The following IL1RAP variants were observed in gnomAD, a reference collection of about 807,000 sequenced individuals.
The protein encoded by IL1RAP is interleukin 1 receptor accessory protein, also known as interleukin-1 receptor accessory protein.
A neutral mutation model predicts 60.7 loss-of-function variants in IL1RAP; 35 were observed. That is an observed-to-expected ratio of 0.58 (90% CI 0.44 to 0.76). IL1RAP has a LOEUF of 0.76. Ranked by LOEUF, IL1RAP falls within the 30% of genes least tolerant of loss-of-function variation. The pLI, the probability that IL1RAP is intolerant of heterozygous loss-of-function variation, is 0.00. For missense variants in IL1RAP, 572 were observed against 693.9 expected (o/e 0.82, Z 1.97); for synonymous variants, 268 against 250.9 (o/e 1.07, Z -0.64).
intron 3 of IL1RAP, among the ~76,000 whole-genome samples, chr3:190,582,637 G>T (rs547802714): frequency 2.6e-5 from 4 of 152,070 alleles, no homozygotes; most frequent in Non-Finnish European, 5.9e-5. Flanking sequence ...TTTTTCTGCA[G>T]TAGCCTCATA....
downstream of IL1RAP, among the ~76,000 whole-genome samples, chr3:190,655,069 T>G (rs1274135816): frequency 6.6e-6 from 1 of 152,006 alleles, no homozygotes. Context: ...AAAAAAGAAT[T>G]TAATTGATAA....
At chr3:190,528,986 A>C (rs540992734) in intron 1 of IL1RAP, among the ~76,000 whole-genome samples, 75 of 152,274 alleles carry the variant, frequency 4.9e-4, no homozygotes, top group African/African-American at 1.7e-3. Context: ...GATATTTGGG[A>C]GATGAGAGAA....
intron 1 of IL1RAP, among the ~76,000 whole-genome samples, chr3:190,528,345 A>G (rs1560141106): frequency 6.6e-6 from 1 of 152,216 alleles, no homozygotes; most frequent in East Asian, 1.9e-4. Context: ...AAGCTGGGTA[A>G]TGAATTTGTT....
intron 11 of IL1RAP, among the ~76,000 whole-genome samples, chr3:190,647,693 C>A (rs768825718): frequency 6.6e-6 from 1 of 152,002 alleles, no homozygotes; most frequent in South Asian, 2.1e-4. Flanking sequence ...GAAAGCCCAC[C>A]GAGGATGTGT....
chr3:190,536,756 A>G (rs1036892588), intron 1 of IL1RAP, among the ~76,000 whole-genome samples: 1 of 152,238 alleles, frequency 6.6e-6, no homozygotes, highest in Non-Finnish European at 1.5e-5. Context: ...TTTGCCTAAT[A>G]AAGTATAATT....
intron 5 of IL1RAP, among the ~76,000 whole-genome samples, chr3:190,616,847 A>G (rs1560216748): frequency 6.6e-6 from 1 of 152,188 alleles, no homozygotes; most frequent in Admixed American, 6.6e-5. Context: ...TTTACCAAGC[A>G]CCAAGTATTG....
intron 3 of IL1RAP, among the ~76,000 whole-genome samples, chr3:190,583,143 ATTG>A (rs1272383194): frequency 7.9e-5 from 12 of 152,296 alleles, no homozygotes; most frequent in South Asian, 2.1e-4. Context: ...TCCAATAGCA[ATTG>A]TTGTTAATTG....
intron 6 of IL1RAP, among the ~76,000 whole-genome samples, chr3:190,622,689 C>A (rs1731877663): frequency 6.6e-6 from 1 of 152,148 alleles, no homozygotes; most frequent in African/African-American, 2.4e-5. Flanking sequence ...TGAAGAGATA[C>A]ATAGGGGGAG....
In IL1RAP at chr3:190,649,252, G is replaced by A. The variant is rs1446950375; in HGVS notation, c.*547G>A. ...TGACATCCACTTAGGATGATACAAA[G>A]CAGTGTAACTGAAAATGTTTCTTTT... On this transcript the variant is annotated 3_prime_UTR_variant, in exon 12 of 12. Coordinates refer to ENST00000447382, the MANE Select transcript of IL1RAP (RefSeq NM_002182.4). 2 of 985,542 alleles carry A rather than the reference G, an allele frequency of 2.0e-6. No homozygotes were observed. The highest frequency in any genetic ancestry group is 2.4e-6 in the Non-Finnish European group (2 of 829,990). 61.0% of individuals were successfully genotyped at this position (985,542 alleles called of 1,614,324 possible).
intron 3 of IL1RAP, among the ~76,000 whole-genome samples, chr3:190,597,638 A>G (rs1447764526): frequency 3.3e-5 from 5 of 152,144 alleles, no homozygotes; most frequent in Non-Finnish European, 7.3e-5. Context: ...GCCCCAACCC[A>G]ATTACCAAAG....
At chr3:190,527,868 C>G (rs1452217489) in intron 1 of IL1RAP, among the ~76,000 whole-genome samples, 1 of 144,224 alleles carries the variant, frequency 6.9e-6, no homozygotes, top group Non-Finnish European at 1.5e-5. Flanking sequence ...CACACACACA[C>G]ACGAGAATGG....
At chr3:190,611,296 T>TG (rs1577722584) in intron 5 of IL1RAP, among the ~76,000 whole-genome samples, 1 of 152,310 alleles carries the variant, frequency 6.6e-6, no homozygotes, top group East Asian at 1.9e-4. Context: ...TAATTAAACC[T>TG]GAGTCGGATT....
Position 190,627,390 on chromosome 3 carries a change from G to C in IL1RAP, c.843G>C (p.Trp281Cys). The change falls in exon 8 of 12, where the codon TGG (tryptophan) becomes TGC (cysteine). Residue 281 changes from tryptophan (W) to cysteine (C), a missense_variant. Trp to Cys is a radical substitution (Grantham distance 215). Transcript: ENST00000447382. ...TGATGGATTCTCGCAATGAGGTTTG[G>C]TGGACCATTGATGGAAAAAAACCTG... is the stretch of plus-strand genomic sequence containing the variant. The part of the protein sequence containing the change: ...SFLMDSRNEV[W>C]WTIDGKKPDD... 1.2e-6 allele frequency: 2 copies of C among 1,613,212 alleles called. No homozygotes were observed. Among genetic ancestry groups the C allele is most frequent in the Non-Finnish European group, 1.7e-6 (2 of 1,179,768 alleles).
intron 11 of IL1RAP, 29 bp from the exon 12 acceptor site, chr3:190,648,309 C>G: frequency 6.5e-7 from 1 of 1,547,022 alleles, no homozygotes; most frequent in Non-Finnish European, 8.7e-7. Flanking sequence ...TTGGCCAACA[C>G]TAATCCCCAT....
chr3:190,549,728 C>T (rs1724698996), intron 1 of IL1RAP, among the ~76,000 whole-genome samples: 1 of 152,118 alleles, frequency 6.6e-6, no homozygotes. Flanking sequence ...ACTAAGTCAA[C>T]TGGTTTAAGG....
chr3:190,522,340 TC>T lies in IL1RAP; in HGVS notation c.-89+8123del, dbSNP rs1436169268. Among the ~76,000 whole-genome samples, 602 of 130,286 alleles carry T rather than the reference TC, an allele frequency of 4.6e-3. 7 individuals are homozygous for T. Among genetic ancestry groups the T allele is most frequent in the African/African-American group, 0.015 (480 of 32,712 alleles). The allele number at this position is 130,286 out of a possible 152,430, so 85.5% of individuals were successfully genotyped here. On this transcript the variant is annotated intron_variant, in intron 1 of 11. Coordinates refer to ENST00000447382, the MANE Select transcript of IL1RAP (RefSeq NM_002182.4). ...TTCCTTCCTTCCTTCCTTCCTTCCT[TC>T]CTCCCTCCCTCCCTTCGTTCCTCTT...
chr3:190,655,600 T>C (rs1734590862), downstream of IL1RAP, among the ~76,000 whole-genome samples: 2 of 148,810 alleles, frequency 1.3e-5, no homozygotes, highest in Non-Finnish European at 3.0e-5. Flanking sequence ...TGTGTGTGTG[T>C]GTGTGTTTTA....
chr3:190,528,414 C>G (rs575699785), intron 1 of IL1RAP, among the ~76,000 whole-genome samples: 1 of 152,100 alleles, frequency 6.6e-6, no homozygotes, highest in Admixed American at 6.6e-5. Context: ...GACTCTTTTC[C>G]AAGGTAAGGA....
intron 11 of IL1RAP, among the ~76,000 whole-genome samples, chr3:190,646,886 A>C (rs1247942071): frequency 1.3e-5 from 2 of 152,208 alleles, no homozygotes; most frequent in Non-Finnish European, 2.9e-5. Context: ...TAATTTTTCC[A>C]GGAAGTTATG....
Sources: gnomAD v4.1 joint callset for allele counts (sites outside exome capture counted in the v4.1 genomes callset) on GRCh38, gnomAD v4.1.1 for gene constraint, MANE v1.5 for transcripts, NCBI Gene and HGNC (gene_info 2026-07-23, HGNC 2026-07-21) for gene names.